The following ABCB1 variants were observed in gnomAD, a reference collection of about 807,000 sequenced individuals.
ABCB1 encodes the protein ATP-dependent translocase ABCB1.
In ABCB1, 69 loss-of-function variants were observed where a neutral mutation model predicts 142.0. The observed-to-expected ratio is 0.49, with a 90% CI of 0.40 to 0.59. The LOEUF is 0.59. Among genes scored for constraint, ABCB1 ranks in the 20% least tolerant of loss-of-function variants. ABCB1 has a pLI of 0.00. For synonymous variants in ABCB1, 532 were observed against 539.2 expected (o/e 0.99, Z 0.18); for missense variants, 1,326 against 1,554.7 (o/e 0.85, Z 2.47).
rs28381735 is a variant in ABCB1 at position 87,696,630 on chromosome 7, T to C, written c.-331+16531A>G. On this transcript the variant is annotated intron_variant, in intron 1 of 28. Transcript: ENST00000265724. ...ATCTTTCTGAATGTGAAAAATTCAGTGTCTTGAATTAAGAGCTTCACTTTG... is the reference window on the plus strand; with the variant it reads ...ATCTTTCTGAATGTGAAAAATTCAGCGTCTTGAATTAAGAGCTTCACTTTG... 3.3e-5 allele frequency among the ~76,000 whole-genome samples: 5 copies of C among 152,200 alleles called. No homozygotes were observed. In the East Asian group the frequency reaches 9.7e-4, roughly 29 times the overall value.
chr7:87,689,072 T>G (rs1196847483), intron 1 of ABCB1, among the ~76,000 whole-genome samples: 1 of 152,048 alleles, frequency 6.6e-6, no homozygotes, highest in Non-Finnish European at 1.5e-5. Flanking sequence ...TCAAATAAAA[T>G]GATTCAAAAT....
At chr7:87,534,714 A>C (rs1348713491) in intron 20 of ABCB1, among the ~76,000 whole-genome samples, 1 of 152,018 alleles carries the variant, frequency 6.6e-6, no homozygotes, top group East Asian at 1.9e-4. Flanking sequence ...CAGGAGTTCA[A>C]GACCAGACTG....
chr7:87,610,777 A>T (rs1381805092), intron 1 of ABCB1, among the ~76,000 whole-genome samples: 2 of 152,192 alleles, frequency 1.3e-5, no homozygotes, highest in Non-Finnish European at 2.9e-5. Flanking sequence ...CATATTTGAG[A>T]ACTGCCCAGA....
At chr7:87,622,056 TG>T (rs1820243636) in intron 1 of ABCB1, among the ~76,000 whole-genome samples, 1 of 152,122 alleles carries the variant, frequency 6.6e-6, no homozygotes, top group African/African-American at 2.4e-5. Context: ...TATATAATCT[TG>T]GAGGTGGCAA....
intron 1 of ABCB1, among the ~76,000 whole-genome samples, chr7:87,606,974 T>C (rs2130034137): frequency 6.6e-6 from 1 of 152,224 alleles, no homozygotes. Context: ...ACAAGAAACA[T>C]TGAGAATTCC....
At chr7:87,606,439 C>A (rs1819655594) in intron 1 of ABCB1, among the ~76,000 whole-genome samples, 1 of 151,942 alleles carries the variant, frequency 6.6e-6, no homozygotes. Context: ...ATTCCAAGTA[C>A]AGAAAAAAAT....
At chr7:87,519,203 C>T in intron 23 of ABCB1, 123 bp downstream of exon 23, 4 of 964,998 alleles carry the variant, frequency 4.1e-6, no homozygotes, top group Admixed American at 2.1e-5. Context: ...GGCAGAAATG[C>T]CGATTTAGGA....
intron 4 of ABCB1, among the ~76,000 whole-genome samples, chr7:87,583,553 T>A (rs1225837810): frequency 6.6e-6 from 1 of 152,138 alleles, no homozygotes; most frequent in Non-Finnish European, 1.5e-5. Context: ...AAGATGGAAA[T>A]CTAAATTACC....
At chr7:87,571,472 T>C (rs1818053489) in intron 4 of ABCB1, among the ~76,000 whole-genome samples, 2 of 152,144 alleles carry the variant, frequency 1.3e-5, no homozygotes, top group African/African-American at 2.4e-5. Flanking sequence ...ACTATAACTA[T>C]GTAGGGAAAG....
rs139519523 is a variant in ABCB1, at chr7:87,581,541, C to T, written c.286+3971G>A. 5.9e-5 allele frequency among the ~76,000 whole-genome samples: 9 copies of T among 152,184 alleles called. No homozygotes were observed. In the East Asian group the frequency reaches 1.7e-3, roughly 29 times the overall value. On this transcript the variant is annotated intron_variant, in intron 4 of 27. Coordinates refer to ENST00000622132, the MANE Select transcript of ABCB1 (RefSeq NM_001348946.2). Reference sequence around the variant, plus strand: ...GTCATCAGAGATTTTAAGGCAAAGGCTACACATATTCTATAATTAAACCAG... The same window carrying T: ...GTCATCAGAGATTTTAAGGCAAAGGTTACACATATTCTATAATTAAACCAG...
chr7:87,640,049 A>G (rs1292219339), intron 1 of ABCB1, among the ~76,000 whole-genome samples: 2 of 150,526 alleles, frequency 1.3e-5, no homozygotes, highest in African/African-American at 2.4e-5. Context: ...ATTTCTTTAT[A>G]TATGTTTATA....
chr7:87,666,895 G>C (rs1336701056), intron 1 of ABCB1, among the ~76,000 whole-genome samples: 1 of 152,094 alleles, frequency 6.6e-6, no homozygotes, highest in Non-Finnish European at 1.5e-5. Context: ...CTGTAGCCTT[G>C]TGGTATAGTT....
At chr7:87,521,434 C>T in intron 21 of ABCB1, 1 of 690,654 alleles carries the variant, frequency 1.4e-6, no homozygotes, top group Non-Finnish European at 2.6e-6. Context: ...AGGAAGCATC[C>T]TTAAAGTCTC....
At chr7:87,674,148 C>T (rs1826092648) in intron 1 of ABCB1, among the ~76,000 whole-genome samples, 1 of 152,198 alleles carries the variant, frequency 6.6e-6, no homozygotes, top group Non-Finnish European at 1.5e-5. Flanking sequence ...GGCCAAACCA[C>T]TTCATCGAGG....
At chr7:87,649,021 A>G (rs1291620666) in intron 1 of ABCB1, among the ~76,000 whole-genome samples, 2 of 152,094 alleles carry the variant, frequency 1.3e-5, no homozygotes, top group Admixed American at 1.3e-4. Flanking sequence ...CCTTAAAAAA[A>G]GCTTGTACTC....
At chr7:87,553,512 G>T (rs986517374) in intron 9 of ABCB1, among the ~76,000 whole-genome samples, 11 of 151,918 alleles carry the variant, frequency 7.2e-5, no homozygotes, top group Admixed American at 3.3e-4. Context: ...TGTAGAGACG[G>T]GGTTTCACCA....
intron 1 of ABCB1, among the ~76,000 whole-genome samples, chr7:87,654,650 C>T (rs1394397832): frequency 6.6e-6 from 1 of 152,050 alleles, no homozygotes; most frequent in Non-Finnish European, 1.5e-5. Flanking sequence ...GAAAAGGCTC[C>T]ATGACATTGG....
chr7:87,583,776 T>C (rs1674549888), intron 4 of ABCB1, among the ~76,000 whole-genome samples: 1 of 152,138 alleles, frequency 6.6e-6, no homozygotes, highest in Admixed American at 6.5e-5. Context: ...TGTATTAACA[T>C]ACAAACAATA....
In ABCB1 at chr7:87,509,341, T is replaced by C. The variant is rs1814899821; in HGVS notation, c.3423A>G (p.Ser1141=). The change falls in exon 26 of 28, where the codon TCA becomes TCG. Residue 1141 remains serine, a synonymous_variant. Transcript: ENST00000622132. ...TTGCTGCCCTCACAATCTCTTCCTG[T>C]GACACCACCCGGCTGTTGTCTCCAT... ...IAYGDNSRVV[S]QEEIVRAAKE... 3 of 1,614,062 alleles carry C rather than the reference T, an allele frequency of 1.9e-6. No individual in the cohort carries two copies. The highest frequency in any genetic ancestry group is 1.1e-5 in the South Asian group (1 of 91,092).
Sources: gnomAD v4.1 joint callset for allele counts (sites outside exome capture counted in the v4.1 genomes callset) on GRCh38, gnomAD v4.1.1 for gene constraint, MANE v1.5 for transcripts, NCBI Gene and HGNC (gene_info 2026-07-23, HGNC 2026-07-21) for gene names.